AKAP12: variants seen among roughly 807,000 people sequenced by gnomAD.
AKAP12 encodes the protein A-kinase anchor protein 12.
In AKAP12, 32 loss-of-function variants were observed where a neutral mutation model predicts 79.9. The ratio of observed to expected loss-of-function variants is 0.40; its 90% CI spans 0.30 to 0.54. The LOEUF (loss-of-function observed/expected upper bound fraction) is 0.54. AKAP12 is among the 20% of genes least tolerant of loss of function. AKAP12 has a pLI of 0.48. For synonymous variants in AKAP12, 808 were observed against 857.0 expected, an observed-to-expected ratio of 0.94 and a Z score of 1.00; for missense variants, 2,074 against 2,177.0, an observed-to-expected ratio of 0.95 and a Z score of 0.94.
chr6:151,322,750 T>TGCCACTGGGCGTGTCCACCACCCACTCCC (rs1777429002), intron 3 of AKAP12, among the ~76,000 whole-genome samples: 12 of 145,850 alleles, frequency 8.2e-5, no homozygotes, highest in African/African-American at 2.8e-4. Context: ...CACCCACTCC[T>TGCCACTGGGCGTGTCCACCACCCACTCCC]GCCACTGGGT....
intron 2 of AKAP12, among the ~76,000 whole-genome samples, chr6:151,252,732 GAAAAAAAAAAA>G (rs1185564468): frequency 2.1e-5 from 2 of 95,822 alleles, no homozygotes; most frequent in South Asian, 3.6e-4. Context: ...CTGTCTCTGG[GAAAAAAAAAAA>G]AAAAAAAAAA....
chr6:151,354,583 C>T (rs1323117690), intron 4 of AKAP12, among the ~76,000 whole-genome samples: 1 of 148,820 alleles, frequency 6.7e-6, no homozygotes, highest in Non-Finnish European at 1.5e-5. Flanking sequence ...CCGTGTTAGC[C>T]AGGAGGTCTC....
At chr6:151,267,014 C>CAAAAAAAAAAAAA (rs34974747) in intron 2 of AKAP12, among the ~76,000 whole-genome samples, 1 of 35,340 alleles carries the variant, frequency 2.8e-5, no homozygotes, top group African/African-American at 7.5e-5. Context: ...GACTCCATCT[C>CAAAAAAAAAAAAA]AAAAAAAAAA....
intron 3 of AKAP12, among the ~76,000 whole-genome samples, chr6:151,339,889 C>A (rs963708708): frequency 6.6e-6 from 1 of 151,904 alleles, no homozygotes; most frequent in African/African-American, 2.4e-5. Flanking sequence ...CATTTAAGTT[C>A]CCTCCGTGTA....
At chr6:151,333,250 C>T (rs922308393) in intron 3 of AKAP12, among the ~76,000 whole-genome samples, 5 of 152,216 alleles carry the variant, frequency 3.3e-5, no homozygotes, top group Admixed American at 6.5e-5. Context: ...GTCCTGGAAG[C>T]CCCCTCCATT....
intron 3 of AKAP12, chr6:151,324,169 T>C: frequency 1.0e-6 from 1 of 985,334 alleles, no homozygotes; most frequent in Non-Finnish European, 1.2e-6. Flanking sequence ...TTGAGACTTC[T>C]CTAGAGAAAA....
chr6:151,348,680 T>TCCACC, intron 3 of AKAP12, 31 bp from the exon 4 acceptor site: 4 of 355,198 alleles, frequency 1.1e-5, no homozygotes, highest in Admixed American at 4.2e-5. Flanking sequence ...TTTTCTCTTC[T>TCCACC]CCCCACCCCC....
intron 2 of AKAP12, among the ~76,000 whole-genome samples, chr6:151,266,971 C>T (rs559244406): frequency 1.2e-4 from 17 of 140,794 alleles, no homozygotes; most frequent in East Asian, 2.2e-4. Flanking sequence ...GAGCCGAGAT[C>T]GCGCCACTGC....
chr6:151,279,016 C>T (rs1421564250), intron 2 of AKAP12, among the ~76,000 whole-genome samples: 2 of 152,140 alleles, frequency 1.3e-5, no homozygotes, highest in Non-Finnish European at 2.9e-5. Flanking sequence ...TTAAAGTGTT[C>T]TTCATTAAAA....
intron 2 of AKAP12, chr6:151,280,542 G>C (rs779887726): frequency 6.6e-6 from 1 of 151,946 alleles, no homozygotes; most frequent in Non-Finnish European, 1.5e-5. Context: ...TACAAATTTG[G>C]GTCTCATCTT....
chr6:151,347,240 C>T (rs555774682), intron 3 of AKAP12, among the ~76,000 whole-genome samples: 10 of 152,376 alleles, frequency 6.6e-5, no homozygotes, highest in African/African-American at 2.2e-4. Context: ...ATTCTTCATA[C>T]GTCCTCTGAC....
chr6:151,333,975 A>G (rs1777747124), intron 3 of AKAP12, among the ~76,000 whole-genome samples: 1 of 151,876 alleles, frequency 6.6e-6, no homozygotes, highest in African/African-American at 2.4e-5. Context: ...CTTGGGGTAA[A>G]GGACCTGCAT....
At chr6:151,266,568 G>A (rs1420733946) in intron 2 of AKAP12, among the ~76,000 whole-genome samples, 1 of 152,140 alleles carries the variant, frequency 6.6e-6, no homozygotes, top group Non-Finnish European at 1.5e-5. Context: ...AAAGCAATTT[G>A]GCAACATGTC....
chr6:151,297,155 A>G lies in AKAP12; in HGVS notation c.163-8592A>G, dbSNP rs184646662. Among the ~76,000 whole-genome samples the G allele has an allele frequency of 1.3e-4, 19 of 151,190 alleles. No homozygotes were observed. The East Asian group carries it at 3.5e-3, about 28-fold the overall frequency. ...AATGATAGCTCTTTGAGTTACATTG[A>G]TGGGTGGGCTCACTGATACACACCA... On this transcript the variant is annotated intron_variant, in intron 2 of 4. Transcript: ENST00000402676.
At chr6:151,310,946 C>A (rs892530945) in intron 3 of AKAP12, among the ~76,000 whole-genome samples, 2 of 152,148 alleles carry the variant, frequency 1.3e-5, no homozygotes, top group African/African-American at 4.8e-5. Context: ...AGCAAACAGA[C>A]AATGGCAATC....
At chr6:151,291,519 C>G (rs9397386) in intron 2 of AKAP12, among the ~76,000 whole-genome samples, 11,931 of 152,184 alleles carry the variant, frequency 0.078, 623 homozygotes, top group East Asian at 0.17. Flanking sequence ...TGTTTTCCTC[C>G]AAGCAGACTG....
At chr6:151,346,325 C>T (rs951183382) in intron 3 of AKAP12, among the ~76,000 whole-genome samples, 1 of 152,176 alleles carries the variant, frequency 6.6e-6, no homozygotes, top group Non-Finnish European at 1.5e-5. Context: ...CTTATATACA[C>T]TTGACCTATT....
At chr6:151,241,658 C>T (rs1398429107) in intron 2 of AKAP12, among the ~76,000 whole-genome samples, 1 of 152,092 alleles carries the variant, frequency 6.6e-6, no homozygotes, top group Admixed American at 6.5e-5. Flanking sequence ...TGTTCATTAG[C>T]AAGGCTTCAC....
chr6:151,348,713 G>T lies in AKAP12; in HGVS notation c.322G>T (p.Gly108Ter). 2 of 1,060,204 alleles carry T rather than the reference G, an allele frequency of 1.9e-6. No individual in the cohort carries two copies. The highest frequency in any genetic ancestry group is 2.8e-5 in the Admixed American group (1 of 35,320). 65.7% of individuals were successfully genotyped at this position (1,060,204 alleles called of 1,614,324 possible). ...CCCCCGCCCCTTTTTGTTAATAGTT[G>T]GACAGAGAGACTCTGAAGATGTGAG... Reference protein sequence around the residue: ...EEEEVIVTEVGQRDSEDVSKR... With the variant: ...EEEEVIVTEV The change falls in exon 4 of 5, where the codon GGA (glycine) becomes TGA (stop). Residue 108 changes from glycine to a stop codon, truncating the protein, a stop_gained and splice_region_variant. Coordinates refer to ENST00000402676, the MANE Select transcript of AKAP12 (RefSeq NM_005100.4). LOFTEE classifies it high-confidence loss of function.
Sources: gnomAD v4.1 joint callset for allele counts (sites outside exome capture counted in the v4.1 genomes callset) on GRCh38, gnomAD v4.1.1 for gene constraint, MANE v1.5 for transcripts, NCBI Gene and HGNC (gene_info 2026-07-23, HGNC 2026-07-21) for gene names.